Variants in ACKR3 observed in about 807,000 individuals in gnomAD.
ACKR3 encodes the protein atypical chemokine receptor 3.
ACKR3 carries 6 observed loss-of-function variants against 22.4 expected under a neutral mutation model. The ratio of observed to expected loss-of-function variants is 0.27; its 90% CI spans 0.15 to 0.53. ACKR3 has a LOEUF of 0.53. Among genes scored for constraint, ACKR3 ranks in the 20% least tolerant of loss-of-function variants. The pLI is 0.96. For synonymous variants in ACKR3, 209 were observed against 205.2 expected (o/e 1.02, Z -0.16); for missense variants, 396 against 475.2 (o/e 0.83, Z 1.55).
rs1203604113 is a variant in ACKR3, at chr2:236,574,688, G to C, written c.-27+4764G>C. 1.3e-5 allele frequency among the ~76,000 whole-genome samples: 2 copies of C among 152,162 alleles called. No individual in the cohort carries two copies. Among genetic ancestry groups the C allele is most frequent in the African/African-American group, 4.8e-5 (2 of 41,440 alleles). On this transcript the variant is annotated intron_variant, in intron 1 of 1. Coordinates refer to ENST00000272928, the MANE Select transcript of ACKR3 (RefSeq NM_020311.3). This position sits in a 1 kb window ranked among gnomAD's most constrained non-coding sequence, Gnocchi z 5.6. ...CTAAACCTGAGTACCTGTAATTCCG[G>C]CTTCACCCTCAGCTTGCAGAGTGAG...
At chr2:236,556,888 A>C in the ACKR3 span, among the ~76,000 whole-genome samples, 1 of 152,120 alleles carries the variant, frequency 6.6e-6, no homozygotes, top group Non-Finnish European at 1.5e-5. Context: ...GGGTTTCGCC[A>C]TGTTGGCCAG....
the ACKR3 span, among the ~76,000 whole-genome samples, chr2:236,544,236 C>T: frequency 2.0e-5 from 3 of 151,848 alleles, no homozygotes; most frequent in South Asian, 4.2e-4. This position sits in a 1 kb window ranked among gnomAD's most constrained non-coding sequence, Gnocchi z 5.0. Flanking sequence ...GATCTGCCCT[C>T]CTCAGCCTCC....
At chr2:236,579,333 T>C (rs1691474773) in intron 1 of ACKR3, among the ~76,000 whole-genome samples, 1 of 152,256 alleles carries the variant, frequency 6.6e-6, no homozygotes, top group Non-Finnish European at 1.5e-5. Context: ...ACTATGTCAC[T>C]GTCAACAGTG....
At chr2:236,537,481 C>T in the ACKR3 span, among the ~76,000 whole-genome samples, 2 of 152,254 alleles carry the variant, frequency 1.3e-5, no homozygotes, top group East Asian at 1.9e-4. Flanking sequence ...TTCTAGGAAG[C>T]AGGTTCATCA....
chr2:236,581,022 T>C lies in ACKR3; in HGVS notation c.557T>C (p.Val186Ala). 6.2e-7 allele frequency: 1 copy of C among 1,614,132 alleles called. No individual in the cohort carries two copies. Among genetic ancestry groups the C allele is most frequent in the Non-Finnish European group, 8.5e-7 (1 of 1,180,030 alleles). Residue 186 changes from valine to alanine, a missense_variant, in exon 2 of 2, where the codon GTC becomes GCC. By Grantham distance (64) the Val-to-Ala change is moderately conservative. Coordinates refer to ENST00000272928, the MANE Select transcript of ACKR3 (RefSeq NM_020311.3). This position sits in a 1 kb window ranked among gnomAD's most constrained non-coding sequence, Gnocchi z 4.4. ...CCTGACACCTACTACCTGAAGACCG[T>C]CACGTCTGCGTCCAACAATGAGACC... ...SLPDTYYLKT[V>A]TSASNNETYC...
upstream of ACKR3, among the ~76,000 whole-genome samples, chr2:236,562,815 G>T (rs556126534): frequency 6.6e-6 from 1 of 152,176 alleles, no homozygotes; most frequent in Non-Finnish European, 1.5e-5. Context: ...TGAGGCGGGT[G>T]TGGGAGGAGC....
chr2:236,544,817 G>C, the ACKR3 span, among the ~76,000 whole-genome samples: 2 of 152,150 alleles, frequency 1.3e-5, no homozygotes, highest in Admixed American at 1.3e-4. The surrounding 1 kb of genome is among the most constrained non-coding windows in gnomAD (Gnocchi z 5.0). Flanking sequence ...GGCTAGATTT[G>C]GGAGAAAGTA....
intron 1 of ACKR3, among the ~76,000 whole-genome samples, chr2:236,575,726 AT>A (rs1439996123): frequency 1.3e-5 from 2 of 152,118 alleles, no homozygotes; most frequent in African/African-American, 4.8e-5. Context: ...ACTGAACAGC[AT>A]GTCGTAACTC....
chr2:236,549,467 T>C, the ACKR3 span, among the ~76,000 whole-genome samples: 3 of 152,232 alleles, frequency 2.0e-5, no homozygotes, highest in Non-Finnish European at 4.4e-5. The surrounding 1 kb of genome is among the most constrained non-coding windows in gnomAD (Gnocchi z 5.3). Flanking sequence ...TGAGGTGGCA[T>C]GTCTGTCTCT....
the ACKR3 span, among the ~76,000 whole-genome samples, chr2:236,545,565 C>T: frequency 6.6e-6 from 1 of 152,150 alleles, no homozygotes; most frequent in Non-Finnish European, 1.5e-5. This position sits in a 1 kb window ranked among gnomAD's most constrained non-coding sequence, Gnocchi z 5.3. Context: ...AAGAAGAGTG[C>T]ACAAAATATT....
the ACKR3 span, among the ~76,000 whole-genome samples, chr2:236,561,438 T>C: frequency 2.0e-5 from 3 of 152,176 alleles, no homozygotes; most frequent in African/African-American, 7.2e-5. Flanking sequence ...AGTTTAGAGG[T>C]CATGACTGTC....
chr2:236,581,098 C>T lies in ACKR3; in HGVS notation c.633C>T (p.Gly211=). The T allele has an allele frequency of 6.2e-7, 1 of 1,614,234 alleles. No individual in the cohort carries two copies. The highest frequency in any genetic ancestry group is 8.5e-7 in the Non-Finnish European group (1 of 1,180,040). The change falls in exon 2 of 2, where the codon GGC becomes GGT. Residue 211 remains glycine, a synonymous_variant. Coordinates refer to ENST00000272928, the MANE Select transcript of ACKR3 (RefSeq NM_020311.3). This position sits in a 1 kb window ranked among gnomAD's most constrained non-coding sequence, Gnocchi z 4.4. ...PEHSIKEWLI[G]MELVSVVLGF... Reference sequence around the variant, plus strand: ...ACAGCATCAAGGAGTGGCTGATCGGCATGGAGCTGGTCTCCGTTGTCTTGG... The same window carrying T: ...ACAGCATCAAGGAGTGGCTGATCGGTATGGAGCTGGTCTCCGTTGTCTTGG...
chr2:236,540,068 A>G, the ACKR3 span, among the ~76,000 whole-genome samples: 1 of 152,184 alleles, frequency 6.6e-6, no homozygotes, highest in Admixed American at 6.5e-5. Flanking sequence ...ACTGTATCAT[A>G]TAGTAAGTGT....
chr2:236,577,867 C>G lies in ACKR3; in HGVS notation c.-26-2573C>G, dbSNP rs942029936. On this transcript the variant is annotated intron_variant, in intron 1 of 1. Coordinates refer to ENST00000272928, the MANE Select transcript of ACKR3 (RefSeq NM_020311.3). This position sits in a 1 kb window ranked among gnomAD's most constrained non-coding sequence, Gnocchi z 5.6. ...GACAGAGCAGGGAGCCCAAGCCAGGCGCCAGCCGAGCTCCCTCTGGACCCA... is the reference window on the plus strand; with the variant it reads ...GACAGAGCAGGGAGCCCAAGCCAGGGGCCAGCCGAGCTCCCTCTGGACCCA... 1.3e-5 allele frequency among the ~76,000 whole-genome samples: 2 copies of G among 152,230 alleles called. No individual in the cohort carries two copies. The highest frequency in any genetic ancestry group is 4.1e-4 in the South Asian group (2 of 4,834).
the ACKR3 span, among the ~76,000 whole-genome samples, chr2:236,554,018 C>T: frequency 6.6e-6 from 1 of 152,128 alleles, no homozygotes; most frequent in Non-Finnish European, 1.5e-5. Flanking sequence ...TTCATGAGGA[C>T]ACAGTACACC....
intron 1 of ACKR3, among the ~76,000 whole-genome samples, 193 bp from the exon 2 acceptor site, chr2:236,580,247 T>C (rs931471259): frequency 6.6e-6 from 1 of 152,136 alleles, no homozygotes; most frequent in Non-Finnish European, 1.5e-5. Context: ...AGATTCAGAG[T>C]ATGATTTATT....
At chr2:236,544,895 T>C in the ACKR3 span, among the ~76,000 whole-genome samples, 22 of 152,276 alleles carry the variant, frequency 1.4e-4, no homozygotes, top group Non-Finnish European at 2.6e-4. The surrounding 1 kb of genome is among the most constrained non-coding windows in gnomAD (Gnocchi z 5.0). Context: ...AGACAGAATA[T>C]GGAGTTTGTT....
the ACKR3 span, among the ~76,000 whole-genome samples, chr2:236,538,335 A>G: frequency 0.14 from 20,696 of 152,254 alleles, 2,117 homozygotes; most frequent in African/African-American, 0.28. Flanking sequence ...ACAGCAACAC[A>G]GTGATGATAT....
At chr2:236,537,405 T>C in the ACKR3 span, among the ~76,000 whole-genome samples, 5 of 152,220 alleles carry the variant, frequency 3.3e-5, no homozygotes, top group Non-Finnish European at 7.3e-5. Context: ...ATGAATAGGC[T>C]TGGGGCAGTG....
Sources: allele counts gnomAD v4.1 joint callset (sites outside exome capture counted in the v4.1 genomes callset), GRCh38; gene constraint gnomAD v4.1.1; non-coding constraint Gnocchi (gnomAD v3.1); transcripts MANE v1.5; gene names NCBI Gene and HGNC (gene_info 2026-07-23, HGNC 2026-07-21).